Variants in UST observed in about 807,000 individuals in gnomAD.
The protein encoded by UST is uronyl 2-sulfotransferase.
Under a neutral mutation model 45.6 loss-of-function variants are expected in UST, and 21 were observed. The observed-to-expected ratio is 0.46, with a 90% CI of 0.33 to 0.66. UST has a LOEUF of 0.66. UST is among the 30% of genes least tolerant of loss of function. The probability of loss-of-function intolerance (pLI) is 0.02; values close to 1 mark genes in which losing one functional copy is unlikely to be tolerated. For missense variants in UST, 463 were observed against 512.4 expected, an observed-to-expected ratio of 0.90 and a Z score of 0.93; for synonymous variants, 215 against 200.6, an observed-to-expected ratio of 1.07 and a Z score of -0.61.
intron 2 of UST, among the ~76,000 whole-genome samples, chr6:148,925,533 AT>A (rs772458513): frequency 1.3e-5 from 2 of 152,230 alleles, no homozygotes; most frequent in Non-Finnish European, 2.9e-5. Flanking sequence ...GTTTGCAAAC[AT>A]TGCCCAGTGG....
At chr6:149,008,664 G>A (rs1775754350) in intron 5 of UST, among the ~76,000 whole-genome samples, 1 of 152,204 alleles carries the variant, frequency 6.6e-6, no homozygotes, top group Admixed American at 6.5e-5. Flanking sequence ...ATTTGGAAAT[G>A]CCAGGGACGA....
chr6:148,768,988 G>A (rs540966804), intron 1 of UST, among the ~76,000 whole-genome samples: 71 of 152,342 alleles, frequency 4.7e-4, no homozygotes, highest in African/African-American at 1.7e-3. Context: ...CTCAGGCCAG[G>A]CAGACATGGC....
At chr6:148,937,774 G>A (rs1443763640) in intron 2 of UST, among the ~76,000 whole-genome samples, 2 of 152,060 alleles carry the variant, frequency 1.3e-5, no homozygotes, top group East Asian at 1.9e-4. Flanking sequence ...GCTATGAGAC[G>A]GGAAAAAATG....
intron 5 of UST, among the ~76,000 whole-genome samples, chr6:149,003,907 C>T (rs1412568287): frequency 1.3e-5 from 2 of 152,178 alleles, no homozygotes; most frequent in Non-Finnish European, 2.9e-5. Flanking sequence ...GGCCTCTATT[C>T]ATTCCCAATA....
At chr6:148,752,124 T>C (rs1263347772) in intron 1 of UST, among the ~76,000 whole-genome samples, 2 of 152,248 alleles carry the variant, frequency 1.3e-5, no homozygotes, top group African/African-American at 4.8e-5. Flanking sequence ...TTACGTATAT[T>C]ATATATGAGC....
At chr6:148,966,416 A>G (rs1042435372) in intron 5 of UST, among the ~76,000 whole-genome samples, 5 of 152,194 alleles carry the variant, frequency 3.3e-5, no homozygotes, top group African/African-American at 9.7e-5. Context: ...AACAGCATAC[A>G]TTCCATTTAA....
chr6:148,787,246 A>G (rs1195302696), intron 1 of UST, among the ~76,000 whole-genome samples: 1 of 151,610 alleles, frequency 6.6e-6, no homozygotes, highest in African/African-American at 2.4e-5. Flanking sequence ...TGTTGTCTTC[A>G]TCATTAAATC....
intron 7 of UST, among the ~76,000 whole-genome samples, chr6:149,069,117 C>T (rs1366554894): frequency 6.6e-6 from 1 of 151,998 alleles, no homozygotes; most frequent in Non-Finnish European, 1.5e-5. Context: ...TGTATAATAC[C>T]ACATTTTCTT....
At chr6:148,775,746 G>A (rs1405631018) in intron 1 of UST, among the ~76,000 whole-genome samples, 1 of 151,956 alleles carries the variant, frequency 6.6e-6, no homozygotes, top group Non-Finnish European at 1.5e-5. Context: ...TCCTGCCTCA[G>A]CCTCCCGAGT....
intron 5 of UST, among the ~76,000 whole-genome samples, chr6:148,981,542 G>C (rs923126910): frequency 2.0e-5 from 3 of 152,144 alleles, no homozygotes; most frequent in African/African-American, 4.8e-5. Context: ...TGCATAGGAA[G>C]GTCTTAGAAT....
chr6:148,968,576 T>C (rs998066150), intron 5 of UST, among the ~76,000 whole-genome samples: 5 of 152,230 alleles, frequency 3.3e-5, no homozygotes, highest in Non-Finnish European at 5.9e-5. Context: ...CAGCCTCCTT[T>C]ATTTCCAGGG....
intron 2 of UST, among the ~76,000 whole-genome samples, chr6:148,912,874 G>A (rs1029442677): frequency 6.6e-6 from 1 of 152,136 alleles, no homozygotes; most frequent in Non-Finnish European, 1.5e-5. Context: ...GCAGATACAG[G>A]GTGCACCTCA....
chr6:148,949,433 ATAT>A (rs1425305156), intron 3 of UST, among the ~76,000 whole-genome samples: 83 of 53,082 alleles, frequency 1.6e-3, no homozygotes, highest in South Asian at 0.011. Flanking sequence ...AATAATAATA[ATAT>A]TACTTATTCA....
intron 7 of UST, among the ~76,000 whole-genome samples, chr6:149,062,084 A>G (rs904698942): frequency 2.0e-5 from 3 of 152,248 alleles, no homozygotes; most frequent in African/African-American, 7.2e-5. Context: ...TGGCTTCTAC[A>G]TAGCTATTTG....
At chr6:148,917,182 C>G (rs1197818230) in intron 2 of UST, among the ~76,000 whole-genome samples, 3 of 152,218 alleles carry the variant, frequency 2.0e-5, no homozygotes, top group Non-Finnish European at 4.4e-5. Flanking sequence ...AGCACCCCCC[C>G]ACCCTCCTTT....
At chr6:148,991,282 T>C (rs898405759) in intron 5 of UST, among the ~76,000 whole-genome samples, 1 of 152,186 alleles carries the variant, frequency 6.6e-6, no homozygotes, top group African/African-American at 2.4e-5. Flanking sequence ...AATGTTCGTT[T>C]TTGAATGTAG....
At chr6:148,815,895 G>A (rs1582829639) in intron 1 of UST, among the ~76,000 whole-genome samples, 2 of 152,298 alleles carry the variant, frequency 1.3e-5, no homozygotes, top group South Asian at 4.1e-4. Context: ...GAGACAGGCT[G>A]TGAGTCCTGA....
chr6:148,773,658 T>C (rs1776476242), intron 1 of UST, among the ~76,000 whole-genome samples: 1 of 152,146 alleles, frequency 6.6e-6, no homozygotes, highest in African/African-American at 2.4e-5. Flanking sequence ...GGGTGACATT[T>C]TGTTCACATA....
At chr6:149,040,538 C>T (rs185358267) in intron 7 of UST, among the ~76,000 whole-genome samples, 177 of 152,204 alleles carry the variant, frequency 1.2e-3, no homozygotes, top group Admixed American at 2.0e-3. Flanking sequence ...GCCTGTAATC[C>T]CAGCTACTCG....
Sources: gnomAD v4.1 joint callset for allele counts (sites outside exome capture counted in the v4.1 genomes callset) on GRCh38, gnomAD v4.1.1 for gene constraint, MANE v1.5 for transcripts, NCBI Gene and HGNC (gene_info 2026-07-23, HGNC 2026-07-21) for gene names.